The following B3GALT1 variants were observed in gnomAD, a reference collection of about 807,000 sequenced individuals.
B3GALT1 encodes the protein beta-1,3-galactosyltransferase 1, also known as UDP-Gal:betaGlcNAc beta 1,3-galactosyltransferase, polypeptide 1.
Under a neutral mutation model 23.2 loss-of-function variants are expected in B3GALT1, and 10 were observed. The observed-to-expected ratio is 0.43, with a 90% CI of 0.27 to 0.73. The LOEUF is 0.73. B3GALT1 is among the 30% of genes least tolerant of loss of function. B3GALT1 has a pLI of 0.21. For missense variants in B3GALT1, 299 were observed against 405.4 expected (o/e 0.74, Z 2.25); for synonymous variants, 156 against 141.5 (o/e 1.10, Z -0.73).
chr2:167,869,488 A>C lies in B3GALT1; in HGVS notation c.449A>C (p.His150Pro), dbSNP rs750842338. Reference protein sequence around the residue: ...IIVEDFIDSYHNLTLKTLMGM... With the variant: ...IIVEDFIDSYPNLTLKTLMGM... Reference sequence around the variant, plus strand: ...GTGGAGGACTTTATTGACTCCTACCATAACCTTACCCTCAAAACATTAATG... The same window carrying C: ...GTGGAGGACTTTATTGACTCCTACCCTAACCTTACCCTCAAAACATTAATG... The change falls in exon 5 of 5, where the codon CAT becomes CCT. Residue 150 changes from histidine (H) to proline (P), a missense_variant. Physicochemically the swap from His to Pro is moderately conservative, Grantham distance 77. This residue lies in a region of B3GALT1 where 162 missense variants were observed against 184.1 expected (regional missense o/e 0.88). Coordinates refer to ENST00000392690, the MANE Select transcript of B3GALT1 (RefSeq NM_020981.4). The surrounding 1 kb of genome is among the most constrained non-coding windows in gnomAD (Gnocchi z 6.4). The C allele has an allele frequency of 6.2e-7, 1 of 1,614,086 alleles. No homozygotes were observed. Among genetic ancestry groups the C allele is most frequent in the Non-Finnish European group, 8.5e-7 (1 of 1,180,022 alleles).
At chr2:167,751,099 A>G (rs1010993292) in intron 3 of B3GALT1, among the ~76,000 whole-genome samples, 1 of 152,144 alleles carries the variant, frequency 6.6e-6, no homozygotes, top group African/African-American at 2.4e-5. Context: ...ATAAAACTTT[A>G]TTTACAAAAA....
chr2:167,338,946 GA>G (rs1211047331), intron 1 of B3GALT1, among the ~76,000 whole-genome samples: 13 of 152,192 alleles, frequency 8.5e-5, no homozygotes, highest in Middle Eastern at 3.4e-3. Context: ...TTAGATTGGC[GA>G]AATTACAGAG....
At chr2:167,816,073 A>G (rs1688987009) in intron 3 of B3GALT1, among the ~76,000 whole-genome samples, 1 of 152,246 alleles carries the variant, frequency 6.6e-6, no homozygotes, top group Non-Finnish European at 1.5e-5. Context: ...AAATCAGACT[A>G]AAGAAAGTAG....
chr2:167,563,961 C>T (rs1175111624), intron 2 of B3GALT1, among the ~76,000 whole-genome samples: 1 of 144,232 alleles, frequency 6.9e-6, no homozygotes, highest in Non-Finnish European at 1.5e-5. Flanking sequence ...GCCGACCCCC[C>T]CACCTCCCTT....
intron 1 of B3GALT1, among the ~76,000 whole-genome samples, chr2:167,329,977 C>G (rs1343144186): frequency 6.6e-6 from 1 of 152,056 alleles, no homozygotes; most frequent in Non-Finnish European, 1.5e-5. Flanking sequence ...GGCAGTTTGA[C>G]CATAATGTGC....
chr2:167,491,032 T>G (rs2105342042), intron 2 of B3GALT1, among the ~76,000 whole-genome samples: 1 of 152,306 alleles, frequency 6.6e-6, no homozygotes, highest in Non-Finnish European at 1.5e-5. Context: ...CCTTGTTTTC[T>G]TAGGGTTCTG....
intron 1 of B3GALT1, among the ~76,000 whole-genome samples, chr2:167,365,451 CTTG>C (rs1029506210): frequency 3.9e-5 from 6 of 152,224 alleles, no homozygotes; most frequent in African/African-American, 1.4e-4. Flanking sequence ...CATATCTGTT[CTTG>C]TTGTTGCTGC....
At chr2:167,787,445 G>C (rs1410643376) in intron 3 of B3GALT1, among the ~76,000 whole-genome samples, 2 of 152,214 alleles carry the variant, frequency 1.3e-5, no homozygotes, top group Non-Finnish European at 2.9e-5. Context: ...TAATGCAAGG[G>C]AGTAGGATGT....
At chr2:167,414,383 T>G (rs1239669067) in intron 1 of B3GALT1, among the ~76,000 whole-genome samples, 1 of 152,152 alleles carries the variant, frequency 6.6e-6, no homozygotes, top group Non-Finnish European at 1.5e-5. Flanking sequence ...TTTTGGTAAT[T>G]AGTTCTAATT....
intron 1 of B3GALT1, among the ~76,000 whole-genome samples, chr2:167,352,060 A>T (rs1697317916): frequency 1.3e-5 from 2 of 151,114 alleles, no homozygotes; most frequent in South Asian, 2.1e-4. Context: ...CCCGGGTTCA[A>T]ATGATTCCCC....
At chr2:167,442,188 G>T (rs1464457040) in intron 1 of B3GALT1, among the ~76,000 whole-genome samples, 4 of 152,002 alleles carry the variant, frequency 2.6e-5, no homozygotes, top group Admixed American at 6.5e-5. Flanking sequence ...TTTCATCCAT[G>T]TCCCTACAAA....
intron 1 of B3GALT1, among the ~76,000 whole-genome samples, chr2:167,324,184 C>G (rs1696854937): frequency 6.6e-6 from 1 of 152,044 alleles, no homozygotes; most frequent in Non-Finnish European, 1.5e-5. Flanking sequence ...GCAATTCAAG[C>G]TATCAGCATA....
At chr2:167,792,720 T>C (rs552741784) in intron 3 of B3GALT1, among the ~76,000 whole-genome samples, 1 of 152,232 alleles carries the variant, frequency 6.6e-6, no homozygotes, top group South Asian at 2.1e-4. Flanking sequence ...GGATTTAGTT[T>C]CCCTTCTGGA....
intron 1 of B3GALT1, among the ~76,000 whole-genome samples, chr2:167,488,041 T>TA (rs766361563): frequency 3.0e-4 from 45 of 151,892 alleles, no homozygotes; most frequent in African/African-American, 4.4e-4. Context: ...TAAATTCTGT[T>TA]AAAAAAAAGG....
At chr2:167,472,999 A>C (rs1699438463) in intron 1 of B3GALT1, among the ~76,000 whole-genome samples, 1 of 152,036 alleles carries the variant, frequency 6.6e-6, no homozygotes, top group Non-Finnish European at 1.5e-5. Flanking sequence ...ATCTAGCCTG[A>C]ATTTGGGTAC....
chr2:167,713,676 T>A, intron 3 of B3GALT1: 1 of 1,429,612 alleles, frequency 7.0e-7, no homozygotes, highest in Non-Finnish European at 9.8e-7. Flanking sequence ...GCTGTGGTTC[T>A]GGATGTTCAG....
At chr2:167,530,023 T>C (rs1417822520) in intron 2 of B3GALT1, among the ~76,000 whole-genome samples, 1 of 152,212 alleles carries the variant, frequency 6.6e-6, no homozygotes, top group East Asian at 1.9e-4. Context: ...TCTACTTGTC[T>C]AGCTCCTGTT....
intron 2 of B3GALT1, among the ~76,000 whole-genome samples, chr2:167,629,577 C>A (rs187715297): frequency 4.0e-5 from 6 of 151,732 alleles, no homozygotes; most frequent in African/African-American, 1.4e-4. Context: ...TATATAATAT[C>A]CTCTGAACCT....
At chr2:167,589,475 C>T (rs909819228) in intron 2 of B3GALT1, among the ~76,000 whole-genome samples, 1 of 152,114 alleles carries the variant, frequency 6.6e-6, no homozygotes, top group South Asian at 2.1e-4. Flanking sequence ...CTAAAATGTA[C>T]ATTCTTACAA....
Sources: gnomAD v4.1 joint callset for allele counts (sites outside exome capture counted in the v4.1 genomes callset) on GRCh38, gnomAD v4.1.1 for gene constraint, gnomAD v4.1.1 regional missense constraint, Gnocchi (gnomAD v3.1) non-coding constraint, MANE v1.5 for transcripts, NCBI Gene and HGNC (gene_info 2026-07-23, HGNC 2026-07-21) for gene names.